Variants in NAALADL2 observed in about 807,000 individuals in gnomAD.
NAALADL2 encodes the protein N-acetylated alpha-linked acidic dipeptidase like 2.
NAALADL2 carries 76 observed loss-of-function variants against 87.2 expected under a neutral mutation model. That is an observed-to-expected ratio of 0.87 (90% CI 0.72 to 1.05). NAALADL2 has a LOEUF of 1.05. Ranked by LOEUF, NAALADL2 falls within the 50% of genes least tolerant of loss-of-function variation. NAALADL2 has a pLI of 0.00. For missense variants in NAALADL2, 1,089 were observed against 945.8 expected, an observed-to-expected ratio of 1.15 and a Z score of -1.99; for synonymous variants, 354 against 331.0, an observed-to-expected ratio of 1.07 and a Z score of -0.75.
In NAALADL2 at chr3:175,736,201, A is replaced by G. The variant is rs576106742; in HGVS notation, c.1897-1105A>G. Among the ~76,000 whole-genome samples the G allele has an allele frequency of 3.9e-5, 6 of 152,192 alleles. No homozygotes were observed. In the South Asian group the frequency reaches 1.0e-3, roughly 26 times the overall value. ...CTAGTTCAGCTGTAGTGCATGTGTT[A>G]ATATTCTGACAGTTTTGGGGTGGGG... On this transcript the variant is annotated intron_variant, in intron 11 of 13. Transcript: ENST00000454872.
intron 11 of NAALADL2, among the ~76,000 whole-genome samples, chr3:175,665,181 GA>G (rs1732787188): frequency 6.6e-6 from 1 of 152,158 alleles, no homozygotes; most frequent in South Asian, 2.1e-4. Flanking sequence ...CTTACAATAA[GA>G]AAATGAGATT....
At chr3:175,160,604 G>A (rs1266745241) in intron 2 of NAALADL2, among the ~76,000 whole-genome samples, 3 of 151,350 alleles carry the variant, frequency 2.0e-5, no homozygotes. Context: ...CGCCCGCCTC[G>A]GCCTCCCAAA....
In NAALADL2 at chr3:174,765,143, C is replaced by CATGAGA. The variant is rs150906568; in HGVS notation, c.-9+27397_-9+27398insATGAGA. On this transcript the variant is annotated intron_variant, in intron 3 of 3. Transcript: ENST00000434257. Reference sequence around the variant, plus strand: ...ACACATACACACACACACACACACACGAGAGAGAGAGAGAGAGAGAGAGAG... The same window carrying CATGAGA: ...ACACATACACACACACACACACACACATGAGAGAGAGAGAGAGAGAGAGAGAGAGAG... Among the ~76,000 whole-genome samples, 352 of 124,628 alleles carry CATGAGA rather than the reference C, an allele frequency of 2.8e-3. 3 individuals carry two copies. Among genetic ancestry groups the CATGAGA allele is most frequent in the African/African-American group, 7.7e-3 (230 of 29,710 alleles). 81.8% of individuals were successfully genotyped at this position (124,628 alleles called of 152,430 possible).
At chr3:175,182,489 G>A (rs535844374) in intron 2 of NAALADL2, among the ~76,000 whole-genome samples, 1 of 148,980 alleles carries the variant, frequency 6.7e-6, no homozygotes, top group South Asian at 2.1e-4. Flanking sequence ...CTGGGCTCAA[G>A]CAGCCCTTCC....
At chr3:175,508,061 C>T (rs901144250) in intron 9 of NAALADL2, among the ~76,000 whole-genome samples, 1 of 152,172 alleles carries the variant, frequency 6.6e-6, no homozygotes, top group Admixed American at 6.5e-5. Flanking sequence ...AGAGCAGGCA[C>T]ATCACATGAC....
chr3:174,465,255 T>A (rs1716467136), intron 1 of NAALADL2, among the ~76,000 whole-genome samples: 1 of 152,162 alleles, frequency 6.6e-6, no homozygotes. Context: ...GTAATTTTGA[T>A]AAAATTGAAC....
At chr3:175,030,645 T>C (rs1311854219) in intron 1 of NAALADL2, among the ~76,000 whole-genome samples, 3 of 152,092 alleles carry the variant, frequency 2.0e-5, no homozygotes, top group African/African-American at 7.2e-5. Flanking sequence ...TAGGACTGCA[T>C]AGAATTTGCA....
chr3:174,975,495 T>C (rs1264233308), intron 1 of NAALADL2, among the ~76,000 whole-genome samples: 2 of 152,298 alleles, frequency 1.3e-5, no homozygotes, highest in Non-Finnish European at 2.9e-5. Flanking sequence ...TTTTCCATTA[T>C]TTTTAATGAC....
At chr3:174,827,760 G>A (rs1228407594) in intron 3 of NAALADL2, among the ~76,000 whole-genome samples, 1 of 152,170 alleles carries the variant, frequency 6.6e-6, no homozygotes, top group South Asian at 2.1e-4. Flanking sequence ...ATTTACTGGA[G>A]ATTAAGCTTT....
chr3:175,201,584 C>T (rs1740031658), intron 2 of NAALADL2, among the ~76,000 whole-genome samples: 1 of 152,132 alleles, frequency 6.6e-6, no homozygotes, highest in African/African-American at 2.4e-5. Flanking sequence ...TCATTTCAGA[C>T]ATTACATCTT....
intron 1 of NAALADL2, among the ~76,000 whole-genome samples, chr3:175,039,609 C>G (rs942020778): frequency 6.6e-6 from 1 of 151,938 alleles, no homozygotes; most frequent in Admixed American, 6.6e-5. Context: ...ATATGCTGTT[C>G]TATTTCGTAT....
chr3:174,759,486 T>G (rs1712607525), intron 3 of NAALADL2, among the ~76,000 whole-genome samples: 1 of 152,232 alleles, frequency 6.6e-6, no homozygotes, highest in Non-Finnish European at 1.5e-5. Flanking sequence ...GCTTAAAGCA[T>G]TTTTGTTAGC....
intron 9 of NAALADL2, among the ~76,000 whole-genome samples, chr3:175,521,075 G>A (rs999053039): frequency 5.9e-5 from 9 of 151,282 alleles, no homozygotes; most frequent in Non-Finnish European, 1.3e-4. Flanking sequence ...AAATCTAAAC[G>A]TATCAGTTTC....
At chr3:175,044,785 T>C (rs1473961903) in intron 1 of NAALADL2, among the ~76,000 whole-genome samples, 2 of 152,136 alleles carry the variant, frequency 1.3e-5, no homozygotes, top group Non-Finnish European at 2.9e-5. Flanking sequence ...GGTTTTGATT[T>C]CTTTCTAGTA....
chr3:174,955,688 C>T (rs1174221307), intron 1 of NAALADL2, among the ~76,000 whole-genome samples: 1 of 150,434 alleles, frequency 6.6e-6, no homozygotes, highest in Non-Finnish European at 1.5e-5. Flanking sequence ...CTGGCTTCTG[C>T]AGCAGATTGC....
At chr3:175,601,405 C>T (rs988582244) in intron 10 of NAALADL2, among the ~76,000 whole-genome samples, 11 of 152,048 alleles carry the variant, frequency 7.2e-5, no homozygotes, top group African/African-American at 2.4e-4. Context: ...TTATTTTTAG[C>T]TCTATGATGT....
At chr3:175,784,720 T>C (rs1377105926) in intron 13 of NAALADL2, among the ~76,000 whole-genome samples, 1 of 105,890 alleles carries the variant, frequency 9.4e-6, no homozygotes, top group Non-Finnish European at 1.8e-5. Flanking sequence ...CTGCTCTGAT[T>C]TTAGTTATTT....
chr3:174,910,952 G>A (rs926144134), intron 1 of NAALADL2, among the ~76,000 whole-genome samples: 1 of 152,054 alleles, frequency 6.6e-6, no homozygotes, highest in African/African-American at 2.4e-5. Context: ...GGGAAACTCT[G>A]GAATATGAGC....
At chr3:174,926,139 A>T (rs937373312) in intron 1 of NAALADL2, among the ~76,000 whole-genome samples, 1 of 152,180 alleles carries the variant, frequency 6.6e-6, no homozygotes, top group Non-Finnish European at 1.5e-5. Context: ...AAATGAAGCG[A>T]GAAGAGAAGT....
Sources: gnomAD v4.1 joint callset for allele counts (sites outside exome capture counted in the v4.1 genomes callset) on GRCh38, gnomAD v4.1.1 for gene constraint, MANE v1.5 for transcripts, NCBI Gene and HGNC (gene_info 2026-07-23, HGNC 2026-07-21) for gene names.